The following SLC14A2 variants were observed in gnomAD, a reference collection of about 807,000 sequenced individuals.
SLC14A2 encodes urea transporter 2.
Under a neutral mutation model 104.6 loss-of-function variants are expected in SLC14A2, and 91 were observed. The observed-to-expected ratio is 0.87, with a 90% CI of 0.73 to 1.04. The LOEUF (loss-of-function observed/expected upper bound fraction) is 1.04, where lower values mean the gene tolerates loss of function less well. Among genes scored for constraint, SLC14A2 ranks in the 50% least tolerant of loss-of-function variants. The pLI, the probability that SLC14A2 is intolerant of heterozygous loss-of-function variation, is 0.00. For missense variants in SLC14A2, 1,189 were observed against 1,156.0 expected, an observed-to-expected ratio of 1.03 and a Z score of -0.41; for synonymous variants, 476 against 466.4, an observed-to-expected ratio of 1.02 and a Z score of -0.27.
intron 2 of SLC14A2, among the ~76,000 whole-genome samples, chr18:45,608,207 AGATTAACCTTCCAAATATTTACT>A (rs2044902471): frequency 6.6e-6 from 1 of 152,242 alleles, no homozygotes; most frequent in East Asian, 1.9e-4. Context: ...TGCTTTAGAA[AGATTAACCTTCCAAATATTTACT>A]TCAGCAGATC....
At chr18:45,287,570 G>C (rs996568787) in intron 1 of SLC14A2, among the ~76,000 whole-genome samples, 3 of 152,132 alleles carry the variant, frequency 2.0e-5, no homozygotes, top group African/African-American at 4.8e-5. Flanking sequence ...CTCAAGTTCT[G>C]ACACTATGAA....
chr18:45,589,880 A>G (rs2044622777), intron 2 of SLC14A2, among the ~76,000 whole-genome samples: 1 of 152,168 alleles, frequency 6.6e-6, no homozygotes, highest in Non-Finnish European at 1.5e-5. Flanking sequence ...ATGCAAAGAA[A>G]GGTAAGGAAT....
chr18:45,417,883 A>C (rs2086295318), intron 1 of SLC14A2, among the ~76,000 whole-genome samples: 1 of 152,168 alleles, frequency 6.6e-6, no homozygotes, highest in Admixed American at 6.5e-5. Context: ...ACCTAGTCAT[A>C]CCTTCTAGGA....
chr18:45,440,460 T>C (rs147950019), intron 1 of SLC14A2: 1 of 152,160 alleles, frequency 6.6e-6, no homozygotes, highest in South Asian at 2.1e-4. Context: ...TTGTTGGAAA[T>C]CAGAACGTGT....
At chr18:45,505,604 T>C (rs974273639) in intron 2 of SLC14A2, among the ~76,000 whole-genome samples, 1 of 152,152 alleles carries the variant, frequency 6.6e-6, no homozygotes, top group African/African-American at 2.4e-5. Flanking sequence ...GGCCAGTGTC[T>C]TACGTGGCAT....
chr18:45,395,967 T>C (rs2086025657), intron 1 of SLC14A2, among the ~76,000 whole-genome samples: 1 of 152,160 alleles, frequency 6.6e-6, no homozygotes, highest in Admixed American at 6.6e-5. Context: ...TGCAATGGTC[T>C]TCATCTTTGC....
At chr18:45,379,235 G>A (rs2085807525) in intron 1 of SLC14A2, among the ~76,000 whole-genome samples, 1 of 152,172 alleles carries the variant, frequency 6.6e-6, no homozygotes, top group African/African-American at 2.4e-5. Flanking sequence ...GGAATAATAA[G>A]CTTACTGCCA....
intron 2 of SLC14A2, among the ~76,000 whole-genome samples, chr18:45,561,305 C>T (rs1401434454): frequency 6.6e-6 from 1 of 152,196 alleles, no homozygotes; most frequent in Non-Finnish European, 1.5e-5. Flanking sequence ...TGGGACTTTG[C>T]TCAGTGGTCA....
chr18:45,389,813 C>T (rs2085940768), intron 1 of SLC14A2, among the ~76,000 whole-genome samples: 1 of 152,170 alleles, frequency 6.6e-6, no homozygotes, highest in African/African-American at 2.4e-5. Flanking sequence ...TGAATTAAAT[C>T]CCACACCCAC....
At chr18:45,620,183 G>A (rs1463590987) in intron 1 of SLC14A2, among the ~76,000 whole-genome samples, 3 of 152,140 alleles carry the variant, frequency 2.0e-5, no homozygotes, top group Non-Finnish European at 2.9e-5. Context: ...AGGATACATA[G>A]GATTGAGAAA....
At chr18:45,548,907 AGGACTGGAT>A (rs1289141757) in intron 2 of SLC14A2, among the ~76,000 whole-genome samples, 2 of 152,200 alleles carry the variant, frequency 1.3e-5, no homozygotes, top group East Asian at 3.8e-4. Context: ...CTGTGGGGAC[AGGACTGGAT>A]GGCATGTTGG....
intron 2 of SLC14A2, among the ~76,000 whole-genome samples, chr18:45,584,688 A>G (rs545800323): frequency 1.3e-5 from 2 of 152,322 alleles, no homozygotes; most frequent in East Asian, 1.9e-4. Flanking sequence ...TTTGAAGCAG[A>G]GGCCCAGGCA....
Position 45,678,981 on chromosome 18 carries a change from TTGCTGCCTACCTGGG to T in SLC14A2, c.2527_2541del (p.Tyr843_Ala847del), listed in dbSNP as rs748378684. 4.4e-6 allele frequency: 7 copies of T among 1,605,992 alleles called. No homozygotes were observed. The highest frequency in any genetic ancestry group is 5.9e-6 in the Non-Finnish European group (7 of 1,177,154). ...TTTTTTTTTTTTTTTCTAGCACTGT[TTGCTGCCTACCTGGG>T]TGCTGCCCTGGCTAACATGTTATCT... is the stretch of plus-strand genomic sequence containing the variant. On this transcript the variant is annotated inframe_deletion, in exon 19 of 20. Transcript: ENST00000255226.
intron 1 of SLC14A2, among the ~76,000 whole-genome samples, chr18:45,229,749 G>A (rs774953057): frequency 2.6e-5 from 4 of 152,128 alleles, no homozygotes; most frequent in East Asian, 1.9e-4. Context: ...GGTCTCAATG[G>A]TCTCTTTACT....
At chr18:45,632,140 TGTGTTTGTG>T (rs766637568) in intron 4 of SLC14A2, among the ~76,000 whole-genome samples, 1 of 116,748 alleles carries the variant, frequency 8.6e-6, no homozygotes, top group South Asian at 3.0e-4. Context: ...TGTGTGTGTG[TGTGTTTGTG>T]TGTGTGTGTG....
chr18:45,548,441 C>T (rs1372324665), intron 2 of SLC14A2, among the ~76,000 whole-genome samples: 1 of 152,226 alleles, frequency 6.6e-6, no homozygotes, highest in Non-Finnish European at 1.5e-5. Flanking sequence ...TGGTGTTTCA[C>T]ACCTATAATC....
chr18:45,495,115 ACTCT>A (rs759108097), intron 2 of SLC14A2, among the ~76,000 whole-genome samples: 3 of 151,212 alleles, frequency 2.0e-5, no homozygotes, highest in African/African-American at 7.3e-5. Flanking sequence ...ATCCTGTCTG[ACTCT>A]CTCTCTCGTC....
intron 1 of SLC14A2, among the ~76,000 whole-genome samples, chr18:45,469,087 T>G (rs1051718131): frequency 2.0e-5 from 3 of 152,096 alleles, no homozygotes; most frequent in Admixed American, 2.0e-4. Context: ...AAGCAGGATT[T>G]GGATATGTAG....
At chr18:45,291,717 C>A (rs1039790533) in intron 1 of SLC14A2, among the ~76,000 whole-genome samples, 4 of 152,088 alleles carry the variant, frequency 2.6e-5, no homozygotes, top group African/African-American at 9.7e-5. Context: ...GGACGTTCCT[C>A]CCCCTGCCAC....
Sources: allele counts gnomAD v4.1 joint callset (sites outside exome capture counted in the v4.1 genomes callset), GRCh38; gene constraint gnomAD v4.1.1; transcripts MANE v1.5; gene names NCBI Gene and HGNC (gene_info 2026-07-23, HGNC 2026-07-21).